The following PPP2R3A variants were observed in gnomAD, a reference collection of about 807,000 sequenced individuals.
PPP2R3A encodes serine/threonine-protein phosphatase 2A regulatory subunit B'' subunit alpha.
A neutral mutation model predicts 106.9 loss-of-function variants in PPP2R3A; 80 were observed. That is an observed-to-expected ratio of 0.75 (90% CI 0.62 to 0.90). The LOEUF (loss-of-function observed/expected upper bound fraction) is 0.90. Among genes scored for constraint, PPP2R3A ranks in the 40% least tolerant of loss-of-function variants. The pLI is 0.00. For missense variants in PPP2R3A, 1,386 were observed against 1,350.4 expected (o/e 1.03, Z -0.41); for synonymous variants, 483 against 468.3 (o/e 1.03, Z -0.41).
At chr3:136,059,985 G>A (rs1936021345) in intron 5 of PPP2R3A, among the ~76,000 whole-genome samples, 3 of 152,130 alleles carry the variant, frequency 2.0e-5, no homozygotes, top group Non-Finnish European at 2.9e-5. Flanking sequence ...GTTGAAGGTT[G>A]GAGGGGGTAG....
At position 136,027,010 on chromosome 3, in the gene PPP2R3A, A is replaced by G. The variant is rs1253940469; in HGVS notation, c.2174A>G (p.His725Arg). 4 of 1,612,592 alleles carry G rather than the reference A, an allele frequency of 2.5e-6. No homozygotes were observed. The Admixed American group carries it at 5.0e-5, about 20-fold the overall frequency. ...PEGLPDTCSN[H>R]EQTLSRIETA... ...GGACTCCCAGATACCTGTAGTAATC[A>G]TGAACAAACTCTAAGCAGAATTGAA... The change falls in exon 3 of 14, where the codon CAT becomes CGT. Residue 725 changes from histidine (H) to arginine (R), a missense_variant. Physicochemically the swap from His to Arg is conservative, Grantham distance 29. Coordinates refer to ENST00000264977, the MANE Select transcript of PPP2R3A (RefSeq NM_002718.5).
intron 13 of PPP2R3A, among the ~76,000 whole-genome samples, chr3:136,107,900 A>G (rs185936080): frequency 5.9e-5 from 9 of 152,302 alleles, no homozygotes; most frequent in Non-Finnish European, 4.4e-5. Flanking sequence ...TTAAGAAGCA[A>G]CAATGCTGCA....
At chr3:135,988,460 A>G (rs1933019688) in intron 1 of PPP2R3A, among the ~76,000 whole-genome samples, 2 of 151,452 alleles carry the variant, frequency 1.3e-5, no homozygotes, top group Admixed American at 1.3e-4. Flanking sequence ...TCTCTCTTCT[A>G]CTCTTGTCCC....
rs367660490 is a variant in PPP2R3A, at chr3:135,975,136, T to G, written c.-441+9287T>G. 7.1e-4 allele frequency among the ~76,000 whole-genome samples: 108 copies of G among 152,350 alleles called. No individual in the cohort carries two copies. In the South Asian group the frequency reaches 8.3e-3, roughly 12 times the overall value. ...TCTTCTAGTAGAAGGTTGAGACCCCTTTCCCATGGTGGGCCCTCAATGAGT... is the reference window on the plus strand; with the variant it reads ...TCTTCTAGTAGAAGGTTGAGACCCCGTTCCCATGGTGGGCCCTCAATGAGT... On this transcript the variant is annotated intron_variant, in intron 1 of 13. Coordinates refer to ENST00000264977, the MANE Select transcript of PPP2R3A (RefSeq NM_002718.5).
intron 13 of PPP2R3A, among the ~76,000 whole-genome samples, chr3:136,117,782 A>T (rs1456677982): frequency 6.6e-6 from 1 of 152,188 alleles, no homozygotes; most frequent in Non-Finnish European, 1.5e-5. Flanking sequence ...TTAACAGCCG[A>T]ATTCTACCAG....
intron 4 of PPP2R3A, among the ~76,000 whole-genome samples, chr3:136,046,133 C>T (rs531141005): frequency 7.9e-4 from 120 of 151,888 alleles, no homozygotes; most frequent in African/African-American, 2.8e-3. Context: ...GCTGTGTTCA[C>T]GCCATTGTAC....
chr3:136,010,634 G>T (rs901926053), intron 2 of PPP2R3A, among the ~76,000 whole-genome samples: 5 of 151,968 alleles, frequency 3.3e-5, no homozygotes, highest in Admixed American at 1.3e-4. Flanking sequence ...CACCATGTTG[G>T]TCAGGCTGGT....
chr3:136,026,670 C>T (rs149673514), intron 2 of PPP2R3A, among the ~76,000 whole-genome samples, 162 bp from the exon 3 acceptor site: 101 of 152,118 alleles, frequency 6.6e-4, no homozygotes, highest in Non-Finnish European at 1.2e-3. Flanking sequence ...TAATTTAGTG[C>T]AGATAAGCAT....
chr3:135,981,942 C>T (rs980592342), intron 1 of PPP2R3A, among the ~76,000 whole-genome samples: 4 of 151,636 alleles, frequency 2.6e-5, no homozygotes, highest in African/African-American at 9.8e-5. Flanking sequence ...AAGCAATTCA[C>T]TCTGATTTGT....
chr3:136,127,785 G>C (rs1021397720), intron 13 of PPP2R3A, among the ~76,000 whole-genome samples: 4 of 152,170 alleles, frequency 2.6e-5, no homozygotes, highest in Non-Finnish European at 4.4e-5. Context: ...TACCCACAAA[G>C]GGAAGCCCAT....
intron 5 of PPP2R3A, chr3:136,055,579 T>C (rs1342041906): frequency 1.4e-6 from 2 of 1,401,602 alleles, no homozygotes; most frequent in Non-Finnish European, 2.0e-6. Flanking sequence ...CGGGTCTTTC[T>C]CTGCAGTACT....
intron 13 of PPP2R3A, among the ~76,000 whole-genome samples, chr3:136,108,841 TA>T (rs1937555374): frequency 6.6e-6 from 1 of 152,116 alleles, no homozygotes; most frequent in African/African-American, 2.4e-5. Context: ...AGAAGCTCTA[TA>T]CCCAAGAATT....
At position 136,147,369 on chromosome 3, in the gene PPP2R3A, A is replaced by C. The variant is rs1022746329; in HGVS notation, c.*2203A>C. On this transcript the variant is annotated 3_prime_UTR_variant, in exon 14 of 14. Coordinates refer to ENST00000264977, the MANE Select transcript of PPP2R3A (RefSeq NM_002718.5). ...ACAGAGCAAGACCCCATTCTCTTAC[A>C]AAGTCTCTATTATAAAAGTACATCC... 3.3e-5 allele frequency: 5 copies of C among 152,594 alleles called. No individual in the cohort carries two copies. The highest frequency in any genetic ancestry group is 7.4e-5 in the Non-Finnish European group (5 of 68,018). The allele number at this position is 152,594 out of a possible 1,614,324, so 9.5% of individuals were successfully genotyped here.
chr3:135,967,830 A>G (rs1324466036), intron 1 of PPP2R3A, among the ~76,000 whole-genome samples: 2 of 152,206 alleles, frequency 1.3e-5, no homozygotes, highest in African/African-American at 4.8e-5. Context: ...TCTCATTTGT[A>G]GTTCTGTTGA....
chr3:136,123,812 T>A (rs942919999), intron 13 of PPP2R3A, among the ~76,000 whole-genome samples: 1 of 152,194 alleles, frequency 6.6e-6, no homozygotes, highest in Non-Finnish European at 1.5e-5. Flanking sequence ...AGTTGGAGAT[T>A]TCAACACTTC....
chr3:136,117,824 T>G (rs1444321609), intron 13 of PPP2R3A, among the ~76,000 whole-genome samples: 2 of 152,220 alleles, frequency 1.3e-5, no homozygotes, highest in Non-Finnish European at 1.5e-5. Context: ...CCGTTCCTTC[T>G]GAAACTATTC....
At chr3:136,105,821 G>A (rs1269914161) in intron 12 of PPP2R3A, among the ~76,000 whole-genome samples, 1 of 152,044 alleles carries the variant, frequency 6.6e-6, no homozygotes, top group Non-Finnish European at 1.5e-5. Flanking sequence ...TTAGCTGGAC[G>A]TGGTGGTACT....
At chr3:136,022,183 G>C (rs72981494) in intron 2 of PPP2R3A, among the ~76,000 whole-genome samples, 1,652 of 152,190 alleles carry the variant, frequency 0.011, 25 homozygotes, top group African/African-American at 0.037. Flanking sequence ...ATTGCTGTTT[G>C]ATCATCTTTT....
intron 3 of PPP2R3A, 53 bp downstream of exon 3, chr3:136,027,151 CCCCT>C: frequency 6.7e-7 from 1 of 1,492,724 alleles, no homozygotes; most frequent in South Asian, 1.3e-5. Context: ...AAACCCTGAT[CCCCT>C]CCCCTTCTCT....
Sources: gnomAD v4.1 joint callset for allele counts (sites outside exome capture counted in the v4.1 genomes callset) on GRCh38, gnomAD v4.1.1 for gene constraint, MANE v1.5 for transcripts, NCBI Gene and HGNC (gene_info 2026-07-23, HGNC 2026-07-21) for gene names.